Variants in SLIT3 observed in about 807,000 individuals in gnomAD.
SLIT3 encodes slit homolog 3 protein.
SLIT3 carries 68 observed loss-of-function variants against 184.0 expected under a neutral mutation model. That is an observed-to-expected ratio of 0.37 (90% CI 0.30 to 0.45). The LOEUF (loss-of-function observed/expected upper bound fraction) is 0.45. Ranked by LOEUF, SLIT3 falls within the 20% of genes least tolerant of loss-of-function variation. The probability of loss-of-function intolerance (pLI) is 1.00; values close to 1 mark genes in which losing one functional copy is unlikely to be tolerated. For missense variants in SLIT3, 1,707 were observed against 2,026.0 expected (o/e 0.84, Z 3.02); for synonymous variants, 831 against 828.6 (o/e 1.00, Z -0.05).
chr5:168,695,219 G>A (rs1200283583), intron 28 of SLIT3, among the ~76,000 whole-genome samples: 1 of 152,146 alleles, frequency 6.6e-6, no homozygotes. Flanking sequence ...AGTAGTCCAG[G>A]ACATGGGAGT....
chr5:169,084,624 T>C (rs1759215353), intron 4 of SLIT3, among the ~76,000 whole-genome samples: 1 of 152,154 alleles, frequency 6.6e-6, no homozygotes, highest in African/African-American at 2.4e-5. Context: ...TTGGGATATT[T>C]TACACACATG....
intron 4 of SLIT3, among the ~76,000 whole-genome samples, chr5:169,017,494 G>T (rs13355604): frequency 0.11 from 16,949 of 152,230 alleles, 2,525 homozygotes; most frequent in African/African-American, 0.34. Context: ...CTTAAGGAAA[G>T]GAAAGCAGCC....
At chr5:168,989,948 A>G (rs1755265346) in intron 4 of SLIT3, among the ~76,000 whole-genome samples, 1 of 152,214 alleles carries the variant, frequency 6.6e-6, no homozygotes. Flanking sequence ...ATTATAGTCA[A>G]GAGGTTAAGC....
chr5:169,025,527 C>T (rs1447053146), intron 4 of SLIT3, among the ~76,000 whole-genome samples: 1 of 152,116 alleles, frequency 6.6e-6, no homozygotes, highest in East Asian at 1.9e-4. Flanking sequence ...ACATCTTTTG[C>T]AAGATGAATT....
intron 5 of SLIT3, among the ~76,000 whole-genome samples, chr5:168,867,128 A>T (rs1248590683): frequency 1.3e-5 from 2 of 152,210 alleles, no homozygotes; most frequent in Admixed American, 1.3e-4. Context: ...GGGCTCAGGA[A>T]CCTGCATTCT....
intron 5 of SLIT3, among the ~76,000 whole-genome samples, chr5:168,862,270 C>T (rs773386281): frequency 2.6e-5 from 4 of 152,156 alleles, no homozygotes; most frequent in Non-Finnish European, 5.9e-5. Flanking sequence ...GTACACTGCT[C>T]AGGTGATGAG....
At chr5:168,722,086 C>T (rs1762960477) in intron 23 of SLIT3, among the ~76,000 whole-genome samples, 170 bp downstream of exon 23, 1 of 152,114 alleles carries the variant, frequency 6.6e-6, no homozygotes, top group South Asian at 2.1e-4. Flanking sequence ...ATGGCAGACT[C>T]TCAAAGGTAG....
chr5:169,293,736 G>A (rs1767421953), intron 1 of SLIT3, among the ~76,000 whole-genome samples: 1 of 152,192 alleles, frequency 6.6e-6, no homozygotes, highest in Non-Finnish European at 1.5e-5. Context: ...ACGCAGTACA[G>A]AAGGCTCTAA....
At chr5:168,998,270 C>T (rs1383822331) in intron 4 of SLIT3, among the ~76,000 whole-genome samples, 1 of 152,180 alleles carries the variant, frequency 6.6e-6, no homozygotes, top group East Asian at 1.9e-4. Context: ...AAAGGACAAC[C>T]AGCACCACCT....
chr5:168,819,028 C>T (rs532602659), intron 7 of SLIT3, among the ~76,000 whole-genome samples: 9 of 152,054 alleles, frequency 5.9e-5, no homozygotes, highest in African/African-American at 1.9e-4. Context: ...TTTGCATTTC[C>T]CAGTGGGTTG....
intron 1 of SLIT3, among the ~76,000 whole-genome samples, chr5:169,291,225 G>A (rs1339499544): frequency 6.6e-6 from 1 of 152,160 alleles, no homozygotes; most frequent in Non-Finnish European, 1.5e-5. Context: ...TCCCGGCTAA[G>A]AGAAAGCAAG....
At chr5:168,913,068 T>C (rs1761305494) in intron 4 of SLIT3, among the ~76,000 whole-genome samples, 1 of 152,204 alleles carries the variant, frequency 6.6e-6, no homozygotes, top group African/African-American at 2.4e-5. Context: ...ATTTTTGGCC[T>C]TTTCTCCAAA....
At position 169,167,785 on chromosome 5, in the gene SLIT3, C is replaced by T. The variant is rs1213391879; in HGVS notation, c.413+25694G>A. On this transcript the variant is annotated intron_variant, in intron 4 of 35. Transcript: ENST00000519560. Reference sequence around the variant, plus strand: ...ACCCACTTCCTAGCACCCTCTGCCCCGCCCACCTGCCACCCAGCAACCCCT... The same window carrying T: ...ACCCACTTCCTAGCACCCTCTGCCCTGCCCACCTGCCACCCAGCAACCCCT... 4.6e-5 allele frequency among the ~76,000 whole-genome samples: 7 copies of T among 152,218 alleles called. No homozygotes were observed. The East Asian group carries it at 9.7e-4, about 21-fold the overall frequency.
intron 6 of SLIT3, among the ~76,000 whole-genome samples, chr5:168,838,701 T>G (rs1385008024): frequency 6.6e-6 from 1 of 152,144 alleles, no homozygotes; most frequent in Non-Finnish European, 1.5e-5. Flanking sequence ...GACCTAGGTT[T>G]CAGGACTGCT....
intron 4 of SLIT3, among the ~76,000 whole-genome samples, chr5:168,959,500 T>C (rs1007323462): frequency 3.9e-5 from 6 of 152,186 alleles, no homozygotes; most frequent in African/African-American, 1.4e-4. Context: ...CTGTGCAGGA[T>C]AAAGCATCTA....
intron 20 of SLIT3, among the ~76,000 whole-genome samples, chr5:168,731,798 C>T (rs1053675580): frequency 6.6e-6 from 1 of 151,958 alleles, no homozygotes; most frequent in African/African-American, 2.4e-5. Flanking sequence ...AAGGAACATA[C>T]CTCAAATAAT....
chr5:169,011,429 G>A (rs1756148488), intron 4 of SLIT3, among the ~76,000 whole-genome samples: 1 of 152,144 alleles, frequency 6.6e-6, no homozygotes, highest in Non-Finnish European at 1.5e-5. Context: ...TCCAGGCCAG[G>A]TGACACCCAT....
chr5:169,188,708 G>A (rs1046799309), intron 4 of SLIT3, among the ~76,000 whole-genome samples: 1 of 152,154 alleles, frequency 6.6e-6, no homozygotes, highest in Non-Finnish European at 1.5e-5. Flanking sequence ...CATCTTCCAT[G>A]GAGCATTTAC....
At chr5:169,175,350 G>C (rs1424774872) in intron 4 of SLIT3, among the ~76,000 whole-genome samples, 1 of 152,132 alleles carries the variant, frequency 6.6e-6, no homozygotes, top group Non-Finnish European at 1.5e-5. Flanking sequence ...TCAAATCTGC[G>C]GTTTCCCCTC....
Sources: gnomAD v4.1 joint callset for allele counts (sites outside exome capture counted in the v4.1 genomes callset) on GRCh38, gnomAD v4.1.1 for gene constraint, MANE v1.5 for transcripts, NCBI Gene and HGNC (gene_info 2026-07-23, HGNC 2026-07-21) for gene names.